Variants in KCNC2 observed in about 807,000 individuals in gnomAD.
KCNC2 encodes potassium voltage-gated channel subfamily C member 2, also known as voltage-gated potassium channel KCNC2.
A neutral mutation model predicts 44.5 loss-of-function variants in KCNC2; 21 were observed. The observed-to-expected ratio is 0.47, with a 90% CI of 0.33 to 0.68. The LOEUF is 0.68. Ranked by LOEUF, KCNC2 falls within the 30% of genes least tolerant of loss-of-function variation. KCNC2 has a pLI of 0.01. For missense variants in KCNC2, 589 were observed against 826.2 expected (o/e 0.71, Z 3.52); for synonymous variants, 391 against 339.1 (o/e 1.15, Z -1.68).
chr12:75,164,477 A>T (rs963548568), intron 2 of KCNC2, among the ~76,000 whole-genome samples: 1 of 151,692 alleles, frequency 6.6e-6, no homozygotes, highest in Non-Finnish European at 1.5e-5. Context: ...AATTTCTAGA[A>T]AACATTCATA....
Position 75,109,357 on chromosome 12 carries a change from T to G in KCNC2, c.688-58040A>C, listed in dbSNP as rs563605813. 4.6e-5 allele frequency among the ~76,000 whole-genome samples: 7 copies of G among 152,288 alleles called. No homozygotes were observed. The East Asian group carries it at 1.4e-3, about 29-fold the overall frequency. On this transcript the variant is annotated intron_variant, in intron 2 of 4. Coordinates refer to ENST00000549446, the MANE Select transcript of KCNC2 (RefSeq NM_139137.4). ...CGGGATGTTTGCTCACCTCTGCGCTTGATGGCAGTCCAGAAACAAGGGGCC... is the reference window on the plus strand; with the variant it reads ...CGGGATGTTTGCTCACCTCTGCGCTGGATGGCAGTCCAGAAACAAGGGGCC...
intron 2 of KCNC2, among the ~76,000 whole-genome samples, chr12:75,200,666 G>C (rs2031170085): frequency 1.3e-5 from 2 of 151,316 alleles, no homozygotes; most frequent in African/African-American, 4.9e-5. Context: ...CAGAAATATG[G>C]AGCACTATAC....
In KCNC2 at chr12:75,069,129, CT is replaced by C. The variant is rs1158151551; in HGVS notation, c.688-17813del. Reference sequence around the variant, plus strand: ...AAAAACAGTTTCAATTTTATATAATCTTTTTTTTTTTTTTTTTTTTTTGAGA... The same window carrying C: ...AAAAACAGTTTCAATTTTATATAATCTTTTTTTTTTTTTTTTTTTTTGAGA... On this transcript the variant is annotated intron_variant, in intron 2 of 4. Coordinates refer to ENST00000549446, the MANE Select transcript of KCNC2 (RefSeq NM_139137.4). 7.9e-3 allele frequency among the ~76,000 whole-genome samples: 501 copies of C among 63,634 alleles called. 6 individuals are homozygous for C. The highest frequency in any genetic ancestry group is 0.01 in the Non-Finnish European group (368 of 36,236). 41.7% of individuals were successfully genotyped at this position (63,634 alleles called of 152,430 possible). A position where few individuals can be genotyped will look rare whatever the true frequency, so the allele number is the denominator to read the frequency against.
intron 2 of KCNC2, among the ~76,000 whole-genome samples, chr12:75,143,948 A>G (rs1889836211): frequency 6.6e-6 from 1 of 152,206 alleles, no homozygotes; most frequent in Non-Finnish European, 1.5e-5. Context: ...CCTCTATCTG[A>G]TAATAAAAAT....
At chr12:75,069,473 T>C (rs561544260) in intron 2 of KCNC2, among the ~76,000 whole-genome samples, 2 of 152,206 alleles carry the variant, frequency 1.3e-5, no homozygotes, top group African/African-American at 4.8e-5. Context: ...ACAATTTTCA[T>C]CTCAAACATA....
intron 2 of KCNC2, among the ~76,000 whole-genome samples, chr12:75,118,913 G>A (rs1887859907): frequency 6.6e-6 from 1 of 152,154 alleles, no homozygotes; most frequent in Non-Finnish European, 1.5e-5. Flanking sequence ...TGCTTTCACG[G>A]TTTATAGGCA....
chr12:75,159,000 G>A (rs1178240497), intron 2 of KCNC2, among the ~76,000 whole-genome samples: 1 of 151,588 alleles, frequency 6.6e-6, no homozygotes, highest in Non-Finnish European at 1.5e-5. Context: ...AGCTAAATAG[G>A]TGTGTAACAC....
chr12:75,119,897 T>A (rs1887934111), intron 2 of KCNC2, among the ~76,000 whole-genome samples: 1 of 152,204 alleles, frequency 6.6e-6, no homozygotes, highest in South Asian at 2.1e-4. Context: ...CCCTTTCAAC[T>A]GAATAAAGAT....
At chr12:75,049,466 A>G (rs146467879) in intron 3 of KCNC2, among the ~76,000 whole-genome samples, 40 of 152,268 alleles carry the variant, frequency 2.6e-4, no homozygotes, top group Non-Finnish European at 5.3e-4. Context: ...TTTAATCTGC[A>G]AAATATTTTA....
At chr12:75,193,029 A>AT (rs1015515980) in intron 2 of KCNC2, among the ~76,000 whole-genome samples, 1 of 152,100 alleles carries the variant, frequency 6.6e-6, no homozygotes, top group African/African-American at 2.4e-5. Flanking sequence ...AATATCTACA[A>AT]TTTTTTTAAA....
intron 1 of KCNC2, 118 bp downstream of exon 1, chr12:75,209,089 C>T (rs764116182): frequency 6.6e-6 from 1 of 152,574 alleles, no homozygotes. Context: ...CTCCCCAGGG[C>T]TTCATCTCTA....
At chr12:75,141,042 G>T (rs1482185117) in intron 2 of KCNC2, among the ~76,000 whole-genome samples, 1 of 152,038 alleles carries the variant, frequency 6.6e-6, no homozygotes, top group East Asian at 1.9e-4. Context: ...CATTTTCTTT[G>T]CTCTTGTCCT....
chr12:75,192,808 T>C (rs2030411836), intron 2 of KCNC2, among the ~76,000 whole-genome samples: 1 of 152,218 alleles, frequency 6.6e-6, no homozygotes, highest in Non-Finnish European at 1.5e-5. Context: ...ATTATTCAGA[T>C]GGTGATAAAA....
At chr12:75,179,593 C>CATCTATCTGTGTTTT (rs1892417156) in intron 2 of KCNC2, among the ~76,000 whole-genome samples, 1 of 147,918 alleles carries the variant, frequency 6.8e-6, no homozygotes, top group Non-Finnish European at 1.5e-5. Context: ...AGAATGAAGG[C>CATCTATCTGTGTTTT]ATAAAAATGT....
At chr12:75,046,325 T>G (rs895530569) in intron 4 of KCNC2, among the ~76,000 whole-genome samples, 20 of 151,786 alleles carry the variant, frequency 1.3e-4, no homozygotes, top group African/African-American at 4.8e-4. Context: ...TGCAATTTTA[T>G]AGTAAAACTT....
At chr12:75,159,976 C>G (rs1031239509) in intron 2 of KCNC2, among the ~76,000 whole-genome samples, 1 of 151,774 alleles carries the variant, frequency 6.6e-6, no homozygotes, top group Admixed American at 6.6e-5. Flanking sequence ...TGAGTGCTAA[C>G]TGAAAAATAT....
intron 4 of KCNC2, among the ~76,000 whole-genome samples, chr12:75,045,174 G>A (rs1592748750): frequency 6.6e-6 from 1 of 152,014 alleles, no homozygotes; most frequent in East Asian, 1.9e-4. Context: ...GAACTAAATG[G>A]GCTGTTAATA....
intron 2 of KCNC2, among the ~76,000 whole-genome samples, chr12:75,085,175 T>G (rs1338224931): frequency 1.3e-5 from 2 of 152,072 alleles, no homozygotes; most frequent in African/African-American, 4.8e-5. Flanking sequence ...GAGGTTTAGC[T>G]GTCAGATTAG....
At chr12:75,067,255 G>A (rs1407746172) in intron 2 of KCNC2, among the ~76,000 whole-genome samples, 5 of 152,016 alleles carry the variant, frequency 3.3e-5, no homozygotes, top group Admixed American at 6.6e-5. Context: ...AGCCTAAGAA[G>A]TTAGGTCACG....
Sources: allele counts gnomAD v4.1 joint callset (sites outside exome capture counted in the v4.1 genomes callset), GRCh38; gene constraint gnomAD v4.1.1; transcripts MANE v1.5; gene names NCBI Gene and HGNC (gene_info 2026-07-23, HGNC 2026-07-21).